Variants in MECOM observed in about 807,000 individuals in gnomAD.
MECOM encodes the protein MDS1 and EVI1 complex locus, also known as histone-lysine N-methyltransferase MECOM.
A neutral mutation model predicts 116.3 loss-of-function variants in MECOM; 13 were observed. The observed-to-expected ratio is 0.11, with a 90% CI of 0.07 to 0.18. The LOEUF (loss-of-function observed/expected upper bound fraction) is 0.18. Ranked by LOEUF, MECOM falls within the 10% of genes least tolerant of loss-of-function variation. The pLI is 1.00. For synonymous variants in MECOM, 528 were observed against 535.2 expected (o/e 0.99, Z 0.19); for missense variants, 1,299 against 1,509.0 (o/e 0.86, Z 2.31).
intron 1 of MECOM, among the ~76,000 whole-genome samples, chr3:169,444,660 G>C (rs929324529): frequency 2.4e-4 from 37 of 152,170 alleles, no homozygotes; most frequent in African/African-American, 8.7e-4. Context: ...ATTGGTACCA[G>C]TAGAGTGGGG....
At position 169,485,386 on chromosome 3, in the gene MECOM, G is replaced by A. The variant is rs145483441; in HGVS notation, c.38-103862C>T. Among the ~76,000 whole-genome samples, 110 of 152,216 alleles carry A rather than the reference G, an allele frequency of 7.2e-4. 1 individual carries two copies. In the East Asian group the frequency reaches 0.016, roughly 22 times the overall value. ...TAGTGTTATATTAACCAATCACTTT[G>A]TAGTCAACAAAATAGTTTAAATGCA... is the stretch of plus-strand genomic sequence containing the variant. On this transcript the variant is annotated intron_variant, in intron 1 of 16. Coordinates refer to ENST00000651503, the MANE Select transcript of MECOM (RefSeq NM_004991.4).
intron 2 of MECOM, among the ~76,000 whole-genome samples, chr3:169,265,630 T>C (rs1260425445): frequency 2.6e-5 from 4 of 152,176 alleles, no homozygotes; most frequent in Non-Finnish European, 5.9e-5. Flanking sequence ...CATAGGCCAC[T>C]GGCCAGCCTT....
intron 2 of MECOM, among the ~76,000 whole-genome samples, chr3:169,332,877 A>G (rs1487233457): frequency 6.6e-6 from 1 of 152,158 alleles, no homozygotes; most frequent in Non-Finnish European, 1.5e-5. Context: ...CAAATTAACC[A>G]AGTCTATGCT....
chr3:169,548,919 C>A (rs867730998), intron 1 of MECOM, among the ~76,000 whole-genome samples: 1 of 151,408 alleles, frequency 6.6e-6, no homozygotes, highest in Non-Finnish European at 1.5e-5. Flanking sequence ...GCTTAAATAA[C>A]GTGGGTATTC....
At chr3:169,182,451 A>G (rs1173243569) in intron 2 of MECOM, among the ~76,000 whole-genome samples, 1 of 152,242 alleles carries the variant, frequency 6.6e-6, no homozygotes, top group African/African-American at 2.4e-5. Context: ...TTGAAAAAAC[A>G]GTAGAGATCC....
chr3:169,660,926 G>T (rs1198008485), intron 1 of MECOM, among the ~76,000 whole-genome samples: 1 of 152,212 alleles, frequency 6.6e-6, no homozygotes, highest in Non-Finnish European at 1.5e-5. Flanking sequence ...GGAATCTGAG[G>T]CTCAGTAAAA....
At chr3:169,581,033 G>A (rs73174364) in intron 1 of MECOM, among the ~76,000 whole-genome samples, 12,722 of 152,220 alleles carry the variant, frequency 0.084, 620 homozygotes, top group Middle Eastern at 0.16. Flanking sequence ...CCAGAATGTG[G>A]CTTGAAGAAG....
intron 3 of MECOM, among the ~76,000 whole-genome samples, chr3:169,141,962 A>G (rs755178079): frequency 1.3e-5 from 2 of 151,986 alleles, no homozygotes; most frequent in Admixed American, 1.3e-4. Flanking sequence ...AAATAAGTAA[A>G]CACGCTATTC....
At chr3:169,634,236 G>GCACAAACACACACA (rs1278460878) in intron 1 of MECOM, among the ~76,000 whole-genome samples, 1 of 132,248 alleles carries the variant, frequency 7.6e-6, no homozygotes, top group African/African-American at 2.9e-5. Context: ...AAACATGTGT[G>GCACAAACACACACA]CACAAACACA....
chr3:169,418,741 A>T (rs528027103), intron 1 of MECOM, among the ~76,000 whole-genome samples: 4 of 152,266 alleles, frequency 2.6e-5, no homozygotes, highest in Non-Finnish European at 4.4e-5. Flanking sequence ...TTGATGGAAC[A>T]TATGTCAAAA....
At chr3:169,139,705 G>C (rs1379308860) in intron 3 of MECOM, among the ~76,000 whole-genome samples, 1 of 152,020 alleles carries the variant, frequency 6.6e-6, no homozygotes, top group African/African-American at 2.4e-5. Flanking sequence ...CAAACTTTGT[G>C]AATCTATTCA....
chr3:169,616,504 C>A (rs1261118538), intron 1 of MECOM, among the ~76,000 whole-genome samples: 1 of 152,126 alleles, frequency 6.6e-6, no homozygotes, highest in Non-Finnish European at 1.5e-5. Context: ...TGCCACCACA[C>A]CTGGCTAATT....
intron 2 of MECOM, among the ~76,000 whole-genome samples, chr3:169,205,794 T>C (rs943909088): frequency 6.6e-6 from 1 of 152,204 alleles, no homozygotes; most frequent in African/African-American, 2.4e-5. Context: ...TTAGAAATCA[T>C]TTAACTCAGA....
chr3:169,389,590 T>A, intron 1 of MECOM: 1 of 985,428 alleles, frequency 1.0e-6, no homozygotes, highest in Non-Finnish European at 1.2e-6. Context: ...TCATAAGCTT[T>A]CTATGTCCCC....
At chr3:169,614,086 CCT>C (rs1040289341) in intron 1 of MECOM, among the ~76,000 whole-genome samples, 8 of 145,900 alleles carry the variant, frequency 5.5e-5, no homozygotes, top group African/African-American at 2.1e-4. Flanking sequence ...CTTCTCCTCT[CCT>C]CTCTTTTCTT....
At chr3:169,251,244 A>G (rs1333329890) in intron 2 of MECOM, among the ~76,000 whole-genome samples, 1 of 152,190 alleles carries the variant, frequency 6.6e-6, no homozygotes, top group Non-Finnish European at 1.5e-5. Context: ...TCCTTTCTAT[A>G]AACTTCTCAA....
At chr3:169,584,537 C>G (rs764335749) in intron 1 of MECOM, among the ~76,000 whole-genome samples, 46 of 147,042 alleles carry the variant, frequency 3.1e-4, no homozygotes, top group Admixed American at 1.1e-3. Flanking sequence ...TGCACTCCAG[C>G]CTGGGCGAAA....
At chr3:169,222,268 G>A (rs1181903188) in intron 2 of MECOM, among the ~76,000 whole-genome samples, 2 of 152,156 alleles carry the variant, frequency 1.3e-5, no homozygotes, top group Non-Finnish European at 2.9e-5. Flanking sequence ...AATTGAAATG[G>A]CAAACAATAA....
At chr3:169,661,646 A>C (rs753561718) in intron 1 of MECOM, among the ~76,000 whole-genome samples, 2 of 152,160 alleles carry the variant, frequency 1.3e-5, no homozygotes, top group Non-Finnish European at 2.9e-5. Flanking sequence ...GGATGACAGC[A>C]TCTCGCGGGG....
Sources: gnomAD v4.1 joint callset for allele counts (sites outside exome capture counted in the v4.1 genomes callset) on GRCh38, gnomAD v4.1.1 for gene constraint, MANE v1.5 for transcripts, NCBI Gene and HGNC (gene_info 2026-07-23, HGNC 2026-07-21) for gene names.